LARGE1: variants seen among roughly 807,000 people sequenced by gnomAD.
LARGE1 encodes the protein xylosyl- and glucuronyltransferase LARGE1.
LARGE1 carries 43 observed loss-of-function variants against 87.6 expected under a neutral mutation model. That is an observed-to-expected ratio of 0.49 (90% confidence interval 0.38 to 0.63). The LOEUF (loss-of-function observed/expected upper bound fraction) is 0.63, where lower values mean the gene tolerates loss of function less well. Ranked by LOEUF, LARGE1 falls within the 30% of genes least tolerant of loss-of-function variation. The pLI, the probability that LARGE1 is intolerant of heterozygous loss-of-function variation, is 0.00. For synonymous variants in LARGE1, 434 were observed against 394.6 expected (o/e 1.10, Z -1.18); for missense variants, 802 against 1,000.2 (o/e 0.80, Z 2.67).
chr22:33,744,648 T>C (rs537602631), intron 2 of LARGE1, among the ~76,000 whole-genome samples: 1 of 152,212 alleles, frequency 6.6e-6, no homozygotes, highest in African/African-American at 2.4e-5. Flanking sequence ...GGGGACACAC[T>C]TGGACTTCTG....
intron 11 of LARGE1, among the ~76,000 whole-genome samples, chr22:33,176,496 G>A (rs977926158): frequency 2.6e-5 from 4 of 152,122 alleles, no homozygotes; most frequent in Admixed American, 2.6e-4. Context: ...AGTGGGCAAA[G>A]GATATGAATA....
downstream of LARGE1, among the ~76,000 whole-genome samples, chr22:33,160,468 C>A (rs1921986586): frequency 6.6e-6 from 1 of 152,180 alleles, no homozygotes; most frequent in African/African-American, 2.4e-5. Flanking sequence ...CCGTTCTCTA[C>A]AATGTAGAAT....
In LARGE1 at chr22:33,889,713, T is replaced by C. The variant is rs551938585; in HGVS notation, c.-83+30282A>G. On this transcript the variant is annotated intron_variant, in intron 1 of 14. Transcript: ENST00000397394. ...ACTCACGGAGGCACCTACAAGGGGA[T>C]GGGGTCATTTGAACTGGGTCTTAAA... Among the ~76,000 whole-genome samples the C allele has an allele frequency of 2.5e-3, 378 of 152,230 alleles. 1 individual carries two copies. The highest frequency in any genetic ancestry group is 4.4e-3 in the Non-Finnish European group (302 of 67,992).
the LARGE1 span, among the ~76,000 whole-genome samples, chr22:33,118,569 C>T: frequency 6.6e-6 from 1 of 151,816 alleles, no homozygotes; most frequent in South Asian, 2.1e-4. Flanking sequence ...AAGGACAATT[C>T]CCACCCACAG....
intron 6 of LARGE1, among the ~76,000 whole-genome samples, chr22:33,466,398 A>G (rs1253784521): frequency 6.9e-6 from 1 of 145,814 alleles, no homozygotes; most frequent in Non-Finnish European, 1.5e-5. Context: ...TCTCTGTCAT[A>G]CTTGAACACC....
chr22:33,665,435 A>T (rs2081241410), intron 2 of LARGE1, among the ~76,000 whole-genome samples: 2 of 152,214 alleles, frequency 1.3e-5, no homozygotes, highest in African/African-American at 4.8e-5. Flanking sequence ...GCAGGTGAAT[A>T]CAAGCAACTT....
intron 6 of LARGE1, among the ~76,000 whole-genome samples, chr22:33,533,579 G>A (rs1409040084): frequency 6.6e-6 from 1 of 152,124 alleles, no homozygotes; most frequent in African/African-American, 2.4e-5. Context: ...CCGACTTTGT[G>A]GATTTTTACC....
At chr22:33,301,853 C>T (rs187525412) in intron 12 of LARGE1, among the ~76,000 whole-genome samples, 12 of 152,180 alleles carry the variant, frequency 7.9e-5, no homozygotes, top group Admixed American at 2.6e-4. Flanking sequence ...TAGCAGTGAA[C>T]GATGCCTTTA....
At chr22:33,866,115 G>C (rs1181988308) in intron 1 of LARGE1, among the ~76,000 whole-genome samples, 2 of 151,960 alleles carry the variant, frequency 1.3e-5, no homozygotes, top group Non-Finnish European at 1.5e-5. Context: ...TCCGGCCTCA[G>C]CTCTGGGTAG....
chr22:33,369,638 C>T lies in LARGE1; in HGVS notation c.1131+12281G>A, dbSNP rs1020601597. Among the ~76,000 whole-genome samples the T allele has an allele frequency of 2.6e-5, 4 of 152,154 alleles. No individual in the cohort carries two copies. The South Asian group carries it at 8.3e-4, about 32-fold the overall frequency. On this transcript the variant is annotated intron_variant, in intron 9 of 14. Coordinates refer to ENST00000397394, the MANE Select transcript of LARGE1 (RefSeq NM_133642.5). ...GGAGTGCGGTGGCACGATCTAGGCTCACTGCAACCTCTGCCTCCAGGCAGG... is the reference window on the plus strand; with the variant it reads ...GGAGTGCGGTGGCACGATCTAGGCTTACTGCAACCTCTGCCTCCAGGCAGG...
At chr22:33,262,640 T>C (rs1927697326) in intron 11 of LARGE1, among the ~76,000 whole-genome samples, 1 of 152,102 alleles carries the variant, frequency 6.6e-6, no homozygotes, top group Non-Finnish European at 1.5e-5. Context: ...AGGCAGCCCC[T>C]CCACACTCCT....
chr22:33,243,634 A>G (rs554532952), intron 11 of LARGE1, among the ~76,000 whole-genome samples: 172 of 152,236 alleles, frequency 1.1e-3, no homozygotes, highest in Non-Finnish European at 1.7e-3. Context: ...ACATTTCTCT[A>G]TCCGTTCATT....
rs540070515 is a variant in LARGE1, at chr22:33,916,005, G to A, written c.-83+3990C>T. Among the ~76,000 whole-genome samples the A allele has an allele frequency of 6.6e-5, 10 of 152,210 alleles. No homozygotes were observed. The South Asian group carries it at 8.3e-4, about 13-fold the overall frequency. On this transcript the variant is annotated intron_variant, in intron 1 of 14. Transcript: ENST00000397394. ...GTAATAATAGTTGAATGTCTGGCCC[G>A]GGCACGGTGGCTCACACCTGTAATC...
chr22:33,625,117 T>G (rs540931695), intron 4 of LARGE1, among the ~76,000 whole-genome samples: 1 of 152,304 alleles, frequency 6.6e-6, no homozygotes, highest in East Asian at 1.9e-4. Flanking sequence ...TTTTCACCAC[T>G]ATTCCTACTA....
intron 6 of LARGE1, among the ~76,000 whole-genome samples, chr22:33,467,834 A>T (rs758852164): frequency 6.6e-6 from 1 of 152,140 alleles, no homozygotes; most frequent in Admixed American, 6.5e-5. Flanking sequence ...GTTTTTGTCC[A>T]TGTTACCAAA....
intron 11 of LARGE1, among the ~76,000 whole-genome samples, chr22:33,231,887 T>C (rs1926023396): frequency 6.6e-6 from 1 of 152,232 alleles, no homozygotes; most frequent in Non-Finnish European, 1.5e-5. Flanking sequence ...TTAATTCTGC[T>C]GTTGTGCTCT....
the LARGE1 span, among the ~76,000 whole-genome samples, chr22:33,125,169 G>A: frequency 6.6e-6 from 1 of 152,308 alleles, no homozygotes; most frequent in East Asian, 1.9e-4. Flanking sequence ...GCAACTGGAG[G>A]TGCTTTCAGG....
At chr22:33,689,359 G>T (rs900776849) in intron 2 of LARGE1, among the ~76,000 whole-genome samples, 8 of 152,150 alleles carry the variant, frequency 5.3e-5, no homozygotes, top group South Asian at 2.1e-4. Context: ...CCAGGAAGCC[G>T]CATTCAGCGC....
At chr22:33,906,039 A>G (rs908602607) in intron 1 of LARGE1, among the ~76,000 whole-genome samples, 9 of 152,196 alleles carry the variant, frequency 5.9e-5, no homozygotes, top group African/African-American at 2.2e-4. Context: ...CTGAGACAGG[A>G]GAATTGCTTA....
Sources: allele counts gnomAD v4.1 joint callset (sites outside exome capture counted in the v4.1 genomes callset), GRCh38; gene constraint gnomAD v4.1.1; transcripts MANE v1.5; gene names NCBI Gene and HGNC (gene_info 2026-07-23, HGNC 2026-07-21).